TIAM1: variants seen among roughly 807,000 people sequenced by gnomAD.
TIAM1 encodes rho guanine nucleotide exchange factor TIAM1.
In TIAM1, 65 loss-of-function variants were observed where a neutral mutation model predicts 163.5. The observed-to-expected ratio is 0.40, with a 90% confidence interval of 0.33 to 0.49. The LOEUF (loss-of-function observed/expected upper bound fraction) is 0.49. Among genes scored for constraint, TIAM1 ranks in the 20% least tolerant of loss-of-function variants. The pLI, the probability that TIAM1 is intolerant of heterozygous loss-of-function variation, is 0.77. For synonymous variants in TIAM1, 833 were observed against 810.1 expected, an observed-to-expected ratio of 1.03 and a Z score of -0.48; for missense variants, 1,789 against 2,044.7, an observed-to-expected ratio of 0.87 and a Z score of 2.41.
intron 4 of TIAM1, among the ~76,000 whole-genome samples, chr21:31,252,431 A>G (rs2071865401): frequency 6.6e-6 from 1 of 152,178 alleles, no homozygotes; most frequent in African/African-American, 2.4e-5. Context: ...TGGAATGTTC[A>G]AGAAATATAA....
intron 1 of TIAM1, among the ~76,000 whole-genome samples, chr21:31,340,595 G>A (rs1301050512): frequency 1.3e-5 from 2 of 152,126 alleles, no homozygotes; most frequent in African/African-American, 4.8e-5. Context: ...AAACTCCTGG[G>A]CTCAAGCAAC....
chr21:31,154,099 C>G (rs1013312072), intron 17 of TIAM1, 148 bp downstream of exon 17: 1 of 882,438 alleles, frequency 1.1e-6, no homozygotes, highest in Non-Finnish European at 1.7e-6. Context: ...AAGCTTTTAA[C>G]ATTCAGAGTA....
chr21:31,158,111 G>A (rs1483037659), intron 16 of TIAM1, among the ~76,000 whole-genome samples: 1 of 152,106 alleles, frequency 6.6e-6, no homozygotes, highest in African/African-American at 2.4e-5. Flanking sequence ...CACGCCTGAG[G>A]TTTGGCATCC....
chr21:31,266,713 C>A lies in TIAM1; in HGVS notation c.260G>T (p.Ser87Ile), dbSNP rs766376627. ...GTCCACTCGGTCCACCCAGATGGGG[C>A]TCCCGAAGTCTTCTAGGGTACCATC... is the stretch of plus-strand genomic sequence containing the variant. Reference protein sequence around the residue: ...SQDGTLEDFGSPIWVDRVDMG... With the variant: ...SQDGTLEDFGIPIWVDRVDMG... The change falls in exon 4 of 28, where the codon AGC becomes ATC. Residue 87 changes from serine (S) to isoleucine (I), a missense_variant. This residue lies in a region of TIAM1 where 555 missense variants were observed against 564.9 expected (regional missense o/e 0.98). Transcript: ENST00000541036. The A allele has an allele frequency of 2.5e-6, 4 of 1,614,206 alleles. No individual in the cohort carries two copies. The highest frequency in any genetic ancestry group is 3.4e-6 in the Non-Finnish European group (4 of 1,180,044).
chr21:31,440,706 C>A (rs143110005), intron 2 of TIAM1, among the ~76,000 whole-genome samples: 5,774 of 152,128 alleles, frequency 0.038, 363 homozygotes, highest in African/African-American at 0.13. Context: ...CATGGTGAAA[C>A]CCCGTCTCTA....
chr21:31,553,481 C>T (rs988773557), intron 1 of TIAM1, among the ~76,000 whole-genome samples: 3 of 152,152 alleles, frequency 2.0e-5, no homozygotes, highest in Admixed American at 6.5e-5. Context: ...GAATAAACCC[C>T]GTGGTTCTGA....
intron 2 of TIAM1, among the ~76,000 whole-genome samples, chr21:31,441,067 C>G (rs2044401544): frequency 6.6e-6 from 1 of 152,100 alleles, no homozygotes; most frequent in African/African-American, 2.4e-5. Context: ...GATTATGGTG[C>G]CTATTTAATC....
At chr21:31,183,280 G>A (rs2085123399) in intron 14 of TIAM1, among the ~76,000 whole-genome samples, 2 of 152,118 alleles carry the variant, frequency 1.3e-5, no homozygotes, top group South Asian at 4.1e-4. Flanking sequence ...GATCTGCTAG[G>A]GGAATTGCCA....
At chr21:31,317,946 A>T (rs577084533) in intron 2 of TIAM1, among the ~76,000 whole-genome samples, 1 of 152,352 alleles carries the variant, frequency 6.6e-6, no homozygotes, top group South Asian at 2.1e-4. Flanking sequence ...GTTCCTAGAA[A>T]TCAAAACATA....
At chr21:31,428,978 A>G (rs2043899687) in intron 2 of TIAM1, among the ~76,000 whole-genome samples, 1 of 150,654 alleles carries the variant, frequency 6.6e-6, no homozygotes, top group Admixed American at 6.6e-5. Flanking sequence ...CTGGTGGCAG[A>G]ATTGATACAA....
chr21:31,145,704 GA>G (rs1243419406), intron 20 of TIAM1, among the ~76,000 whole-genome samples: 1 of 152,200 alleles, frequency 6.6e-6, no homozygotes, highest in Admixed American at 6.5e-5. Flanking sequence ...GACAACTTTA[GA>G]AGTGCTTTTG....
At chr21:31,519,903 A>G (rs1233440674) in intron 1 of TIAM1, among the ~76,000 whole-genome samples, 2 of 151,672 alleles carry the variant, frequency 1.3e-5, no homozygotes, top group African/African-American at 4.8e-5. Flanking sequence ...GGAGGGTGGA[A>G]ATGGGAGTTA....
intron 25 of TIAM1, among the ~76,000 whole-genome samples, chr21:31,127,926 G>T (rs1311921921): frequency 6.6e-6 from 1 of 152,146 alleles, no homozygotes; most frequent in Non-Finnish European, 1.5e-5. Flanking sequence ...ACCTAATTGG[G>T]TTTCTCGTCC....
intron 2 of TIAM1, among the ~76,000 whole-genome samples, chr21:31,291,838 A>G (rs1011257708): frequency 1.3e-5 from 2 of 152,132 alleles, no homozygotes; most frequent in African/African-American, 4.8e-5. Context: ...CCATGCCTGT[A>G]TAACCCTCAG....
At chr21:31,158,345 G>C (rs2083731230) in intron 16 of TIAM1, among the ~76,000 whole-genome samples, 1 of 152,094 alleles carries the variant, frequency 6.6e-6, no homozygotes, top group African/African-American at 2.4e-5. Context: ...TTCCTTATTA[G>C]GTACGACCTA....
intron 2 of TIAM1, among the ~76,000 whole-genome samples, chr21:31,307,953 CT>C (rs1601906362): frequency 6.6e-6 from 1 of 152,246 alleles, no homozygotes; most frequent in East Asian, 1.9e-4. Flanking sequence ...ATACAATGGG[CT>C]GGGTGCGGCA....
chr21:31,402,541 C>A (rs1284633543), intron 2 of TIAM1, among the ~76,000 whole-genome samples: 2 of 152,262 alleles, frequency 1.3e-5, no homozygotes, highest in Admixed American at 1.3e-4. Context: ...CATATCCCTT[C>A]AGTAACACCA....
chr21:31,415,507 T>G (rs1395301511), intron 2 of TIAM1, among the ~76,000 whole-genome samples: 1 of 152,154 alleles, frequency 6.6e-6, no homozygotes, highest in Non-Finnish European at 1.5e-5. Flanking sequence ...ATCAGGGATA[T>G]GGGTGATCAG....
chr21:31,298,763 T>TGA (rs1555923423), intron 2 of TIAM1, among the ~76,000 whole-genome samples: 6 of 134,460 alleles, frequency 4.5e-5, no homozygotes, highest in African/African-American at 2.0e-4. Flanking sequence ...TGTGTGTGTG[T>TGA]GTGTGAGAAA....
Sources: allele counts gnomAD v4.1 joint callset (sites outside exome capture counted in the v4.1 genomes callset), GRCh38; gene constraint gnomAD v4.1.1; regional missense constraint gnomAD v4.1.1; transcripts MANE v1.5; gene names NCBI Gene and HGNC (gene_info 2026-07-23, HGNC 2026-07-21).